SLC4A10: variants seen among roughly 807,000 people sequenced by gnomAD.
SLC4A10 encodes the protein solute carrier family 4 member 10.
Under a neutral mutation model 137.7 loss-of-function variants are expected in SLC4A10, and 42 were observed. The observed-to-expected ratio is 0.30, with a 90% CI of 0.24 to 0.39. The LOEUF is 0.39. SLC4A10 is among the 10% of genes least tolerant of loss of function. The pLI is 1.00. For synonymous variants in SLC4A10, 474 were observed against 464.1 expected (o/e 1.02, Z -0.27); for missense variants, 925 against 1,355.0 (o/e 0.68, Z 4.98).
At chr2:161,627,686 C>T (rs2032698591) in intron 1 of SLC4A10, among the ~76,000 whole-genome samples, 1 of 152,038 alleles carries the variant, frequency 6.6e-6, no homozygotes, top group African/African-American at 2.4e-5. Flanking sequence ...CTGGACAAGC[C>T]ATCATTGCAT....
At chr2:161,787,798 C>T (rs2053791885) in intron 2 of SLC4A10, among the ~76,000 whole-genome samples, 1 of 151,912 alleles carries the variant, frequency 6.6e-6, no homozygotes, top group African/African-American at 2.4e-5. Context: ...GCTATCTTGT[C>T]TTTCATTTTC....
intron 10 of SLC4A10, among the ~76,000 whole-genome samples, chr2:161,888,676 A>C (rs533846072): frequency 3.3e-5 from 5 of 152,270 alleles, no homozygotes; most frequent in African/African-American, 1.2e-4. Flanking sequence ...TTATCAGCTT[A>C]AGGAGATTTT....
chr2:161,821,054 A>G (rs2057576416), intron 3 of SLC4A10, among the ~76,000 whole-genome samples: 1 of 152,202 alleles, frequency 6.6e-6, no homozygotes. Context: ...GTAACTTTGC[A>G]TATGCCTTTG....
chr2:161,735,336 A>G (rs1212340102), intron 1 of SLC4A10, among the ~76,000 whole-genome samples: 2 of 151,744 alleles, frequency 1.3e-5, no homozygotes, highest in Non-Finnish European at 2.9e-5. Context: ...AAATATATTT[A>G]GGTTTTTATA....
intron 1 of SLC4A10, among the ~76,000 whole-genome samples, chr2:161,657,344 C>A (rs546646595): frequency 3.3e-5 from 5 of 151,866 alleles, no homozygotes; most frequent in Admixed American, 1.3e-4. Flanking sequence ...AAAAATAGAT[C>A]AAAAAATGTT....
At chr2:161,826,627 A>T (rs1313960752) in intron 3 of SLC4A10, among the ~76,000 whole-genome samples, 1 of 152,224 alleles carries the variant, frequency 6.6e-6, no homozygotes, top group Non-Finnish European at 1.5e-5. Context: ...AATATAAGTA[A>T]TATAGCTAAT....
At chr2:161,770,478 T>G (rs2051450932) in intron 1 of SLC4A10, among the ~76,000 whole-genome samples, 1 of 151,882 alleles carries the variant, frequency 6.6e-6, no homozygotes, top group Non-Finnish European at 1.5e-5. Context: ...TAGAGTTGCC[T>G]TTTATCTAAT....
chr2:161,817,892 A>G (rs898844467), intron 3 of SLC4A10, among the ~76,000 whole-genome samples: 12 of 151,698 alleles, frequency 7.9e-5, no homozygotes, highest in African/African-American at 2.7e-4. Flanking sequence ...GCCTTGTAGT[A>G]TAGTTTGAAG....
chr2:161,879,537 A>G (rs2061632981), intron 9 of SLC4A10, among the ~76,000 whole-genome samples: 1 of 147,816 alleles, frequency 6.8e-6, no homozygotes, highest in Non-Finnish European at 1.5e-5. Context: ...CCCTGAAGCC[A>G]TATGAATCCT....
chr2:161,809,739 C>G (rs2056358513), intron 3 of SLC4A10, among the ~76,000 whole-genome samples: 1 of 151,904 alleles, frequency 6.6e-6, no homozygotes, highest in Non-Finnish European at 1.5e-5. Flanking sequence ...GTGTGTGTGT[C>G]TGTTTTTTGT....
intron 1 of SLC4A10, among the ~76,000 whole-genome samples, chr2:161,711,948 A>T (rs2044336984): frequency 6.6e-6 from 1 of 151,864 alleles, no homozygotes; most frequent in South Asian, 2.1e-4. Context: ...TATTGTCAAC[A>T]TCCTTTGTCG....
intron 1 of SLC4A10, among the ~76,000 whole-genome samples, chr2:161,678,412 T>C (rs1453879753): frequency 2.6e-5 from 4 of 152,170 alleles, no homozygotes; most frequent in East Asian, 3.8e-4. Context: ...TAAATAAGTA[T>C]AGAAAAAGTT....
Position 161,879,268 on chromosome 2 carries a change from T to C in SLC4A10, c.1086T>C (p.Ala362=), listed in dbSNP as rs1463211796. 2 of 1,611,680 alleles carry C rather than the reference T, an allele frequency of 1.2e-6. No individual in the cohort carries two copies. The highest frequency in any genetic ancestry group is 1.3e-5 in the African/African-American group (1 of 74,982). ...CAGCTGTATTGCTTCAAGGACTGGCTGAAGTCCCAATCCCAACCAGGTAAA... is the reference window on the plus strand; with the variant it reads ...CAGCTGTATTGCTTCAAGGACTGGCCGAAGTCCCAATCCCAACCAGGTAAA... The part of the protein sequence containing the change: ...LSPAVLLQGL[A]EVPIPTRFLF... The change falls in exon 9 of 27, where the codon GCT becomes GCC. Residue 362 remains alanine (A), a synonymous_variant. Coordinates refer to ENST00000446997, the MANE Select transcript of SLC4A10 (RefSeq NM_001178015.2).
At chr2:161,933,126 C>A (rs60702957) in intron 15 of SLC4A10, among the ~76,000 whole-genome samples, 8,407 of 29,668 alleles carry the variant, frequency 0.28, 714 homozygotes, top group South Asian at 0.43. Flanking sequence ...TTCTTTCCTG[C>A]CTGTTTTTCT....
At chr2:161,794,192 CTT>C (rs1420661808) in intron 2 of SLC4A10, among the ~76,000 whole-genome samples, 1 of 152,126 alleles carries the variant, frequency 6.6e-6, no homozygotes, top group African/African-American at 2.4e-5. Context: ...TGTCCTCAGC[CTT>C]TTTGAATTCA....
At chr2:161,896,864 C>T (rs981422554) in intron 11 of SLC4A10, among the ~76,000 whole-genome samples, 1 of 152,026 alleles carries the variant, frequency 6.6e-6, no homozygotes, top group Non-Finnish European at 1.5e-5. Context: ...ATTTTAGCCC[C>T]TACTTAAAAC....
chr2:161,934,529 T>C (rs1459751077), intron 15 of SLC4A10, among the ~76,000 whole-genome samples: 1 of 152,210 alleles, frequency 6.6e-6, no homozygotes, highest in Non-Finnish European at 1.5e-5. Flanking sequence ...TAGTATTTCA[T>C]CATATATATG....
At chr2:161,744,961 T>C (rs1346712614) in intron 1 of SLC4A10, among the ~76,000 whole-genome samples, 2 of 152,234 alleles carry the variant, frequency 1.3e-5, no homozygotes, top group African/African-American at 4.8e-5. Context: ...TGCTTGTTGC[T>C]CATTAACATC....
intron 3 of SLC4A10, among the ~76,000 whole-genome samples, chr2:161,814,199 G>A (rs2056837450): frequency 6.6e-6 from 1 of 151,948 alleles, no homozygotes; most frequent in Non-Finnish European, 1.5e-5. Flanking sequence ...CGAATCATCA[G>A]AGAAATGCAA....
Sources: allele counts gnomAD v4.1 joint callset (sites outside exome capture counted in the v4.1 genomes callset), GRCh38; gene constraint gnomAD v4.1.1; transcripts MANE v1.5; gene names NCBI Gene and HGNC (gene_info 2026-07-23, HGNC 2026-07-21).